Variants in MAX observed in about 807,000 individuals in gnomAD.
MAX encodes MYC associated transcriptional regulator X.
In MAX, 3 loss-of-function variants were observed where a neutral mutation model predicts 22.3. The observed-to-expected ratio is 0.13, with a 90% CI of 0.06 to 0.35. MAX has a LOEUF of 0.35. MAX is among the 10% of genes least tolerant of loss of function. MAX has a pLI of 1.00. For synonymous variants in MAX, 72 were observed against 77.7 expected, an observed-to-expected ratio of 0.93 and a Z score of 0.39; for missense variants, 119 against 209.4, an observed-to-expected ratio of 0.57 and a Z score of 2.66.
Position 65,060,522 on chromosome 14 carries a change from C to T in MAX, c.171+33186G>A, listed in dbSNP as rs61987404. Among the ~76,000 whole-genome samples, 152 of 127,302 alleles carry T rather than the reference C, an allele frequency of 1.2e-3. 20 individuals carry two copies. Among genetic ancestry groups the T allele is most frequent in the Non-Finnish European group, 1.7e-3 (110 of 65,950 alleles). The allele number at this position is 127,302 out of a possible 152,430, so 83.5% of individuals were successfully genotyped here. A position where few individuals can be genotyped will look rare whatever the true frequency, so the allele number is the denominator to read the frequency against. ...CCATCCCGGCTAAAACGGTGAAACC[C>T]CGTCTCTACTAAAAATACAAAAAAT... On this transcript the variant is annotated intron_variant, in intron 3 of 3. Coordinates refer to the MAX transcript ENST00000341653.
At position 65,062,708 on chromosome 14, in the gene MAX, A is replaced by T. The variant is rs953144441; in HGVS notation, c.171+31000T>A. On this transcript the variant is annotated intron_variant, in intron 3 of 3. Transcript: ENST00000341653. This position sits in a 1 kb window ranked among gnomAD's most constrained non-coding sequence, Gnocchi z 4.3. Reference sequence around the variant, plus strand: ...AAAATGCCCAATGGTAGGAGCTACTAAAGGTTGCTCAGGGATCGTCAGTCT... The same window carrying T: ...AAAATGCCCAATGGTAGGAGCTACTTAAGGTTGCTCAGGGATCGTCAGTCT... 6.6e-6 allele frequency: 1 copy of T among 152,644 alleles called. No individual in the cohort carries two copies. The highest frequency in any genetic ancestry group is 1.5e-5 in the Non-Finnish European group (1 of 68,052). 9.5% of individuals were successfully genotyped at this position (152,644 alleles called of 1,614,324 possible). A position where few individuals can be genotyped will look rare whatever the true frequency, so the allele number is the denominator to read the frequency against.
intron 3 of MAX, among the ~76,000 whole-genome samples, chr14:65,050,569 C>G (rs1464621992): frequency 6.6e-6 from 1 of 152,060 alleles, no homozygotes; most frequent in Admixed American, 6.6e-5. Context: ...CCAGCCTGGG[C>G]GACAGAGCAA....
intron 3 of MAX, among the ~76,000 whole-genome samples, chr14:65,064,371 A>C (rs1234550648): frequency 6.6e-6 from 1 of 152,204 alleles, no homozygotes; most frequent in African/African-American, 2.4e-5. Context: ...TTGAAGCAAA[A>C]GAGGCAATCT....
At chr14:65,024,318 G>A (rs1328348442) in intron 3 of MAX, among the ~76,000 whole-genome samples, 2 of 144,734 alleles carry the variant, frequency 1.4e-5, no homozygotes, top group Admixed American at 1.4e-4. Context: ...GGTGTGGCTT[G>A]GGTGTTGGGA....
intron 3 of MAX, among the ~76,000 whole-genome samples, chr14:65,050,954 A>AT (rs1334107363): frequency 6.6e-6 from 1 of 152,248 alleles, no homozygotes; most frequent in Non-Finnish European, 1.5e-5. Flanking sequence ...AAGTAAAAGA[A>AT]GATAGAGTGA....
chr14:65,060,228 C>G (rs1399140702), intron 3 of MAX, among the ~76,000 whole-genome samples: 1 of 152,048 alleles, frequency 6.6e-6, no homozygotes, highest in African/African-American at 2.4e-5. Context: ...AATCATATCA[C>G]TATTAATATT....
chr14:65,096,084 G>C (rs1235969248), intron 2 of MAX, among the ~76,000 whole-genome samples: 1 of 152,188 alleles, frequency 6.6e-6, no homozygotes, highest in Non-Finnish European at 1.5e-5. Flanking sequence ...CTCATCTGGG[G>C]AGCCAGCCAA....
chr14:65,013,178 T>C (rs1044304431), intron 3 of MAX, among the ~76,000 whole-genome samples: 2 of 152,200 alleles, frequency 1.3e-5, no homozygotes, highest in Non-Finnish European at 2.9e-5. Context: ...CTCAAATGCC[T>C]GTAGGGCCCA....
chr14:65,024,717 A>G (rs917181364), intron 3 of MAX, among the ~76,000 whole-genome samples: 5 of 152,108 alleles, frequency 3.3e-5, no homozygotes, highest in African/African-American at 1.2e-4. Context: ...TTTTGCTTGT[A>G]ATTTTTTATT....
Position 65,093,788 on chromosome 14 carries a change from G to A in MAX, c.91C>T (p.Leu31=), listed in dbSNP as rs1595166940. The A allele has an allele frequency of 6.2e-7, 1 of 1,608,150 alleles. No homozygotes were observed. ...AADKRAHHNA[L]ERKRRDHIKD... is the part of the protein sequence containing the mutation. ...ATGTGGTCCCTACGTTTTCGTTCCA[G>A]TGCATTATGATGAGCCCGTTTGTCA... The change falls in exon 3 of 5, where the codon CTG becomes TTG. Residue 31 remains leucine, a synonymous_variant. Coordinates refer to ENST00000358664, the MANE Select transcript of MAX (RefSeq NM_002382.5). This position sits in a 1 kb window ranked among gnomAD's most constrained non-coding sequence, Gnocchi z 4.4.
At position 65,032,539 on chromosome 14, in the gene MAX, C is replaced by T. The variant is rs2062106266; in HGVS notation, c.172-26255G>A. ...CTTACTAGGCAAGGCGAGCAGTCCG[C>T]CCGCGGAGTTCACTGAGCCTCATTA... On this transcript the variant is annotated intron_variant, in intron 3 of 3. Transcript: ENST00000341653. This position sits in a 1 kb window ranked among gnomAD's most constrained non-coding sequence, Gnocchi z 5.0. The T allele has an allele frequency of 1.9e-6, 3 of 1,563,428 alleles. No individual in the cohort carries two copies. Among genetic ancestry groups the T allele is most frequent in the Non-Finnish European group, 1.7e-6 (2 of 1,152,314 alleles).
At position 65,102,390 on chromosome 14, in the gene MAX, G is replaced by A; in HGVS notation, c.-51C>T. The stretch of plus-strand genomic sequence containing the variant: ...TGCAGCGGCGGCGGGGAGGGGAAGG[G>A]GTGAAGGGGAGGGGGAAGTCACCGA... On this transcript the variant is annotated 5_prime_UTR_variant, in exon 1 of 5. Coordinates refer to ENST00000358664, the MANE Select transcript of MAX (RefSeq NM_002382.5). 1 of 1,601,782 alleles carries A rather than the reference G, an allele frequency of 6.2e-7. No homozygotes were observed. The highest frequency in any genetic ancestry group is 1.3e-5 in the African/African-American group (1 of 74,646).
rs1466688949 is a variant in MAX, at chr14:65,062,417, C to T, written c.171+31291G>A. 1 of 152,688 alleles carries T rather than the reference C, an allele frequency of 6.5e-6. No homozygotes were observed. Among genetic ancestry groups the T allele is most frequent in the Non-Finnish European group, 1.5e-5 (1 of 68,106 alleles). The allele number at this position is 152,688 out of a possible 1,614,324, so 9.5% of individuals were successfully genotyped here. A position where few individuals can be genotyped will look rare whatever the true frequency, so the allele number is the denominator to read the frequency against. ...CCAGCGTGCTGGGTCCTGGCAGTGC[C>T]TCTGCTGTGCTGCACATTGAGCCCT... is the stretch of plus-strand genomic sequence containing the variant. On this transcript the variant is annotated intron_variant, in intron 3 of 3. Transcript: ENST00000341653. This position sits in a 1 kb window ranked among gnomAD's most constrained non-coding sequence, Gnocchi z 4.3.
intron 3 of MAX, among the ~76,000 whole-genome samples, chr14:65,051,352 G>A (rs1486105218): frequency 2.6e-5 from 4 of 152,240 alleles, no homozygotes; most frequent in Non-Finnish European, 4.4e-5. Flanking sequence ...GCCCATGCCT[G>A]TAATCCCAGT....
intron 3 of MAX, among the ~76,000 whole-genome samples, chr14:65,067,054 CA>C (rs2062938819): frequency 2.7e-5 from 4 of 150,562 alleles, no homozygotes; most frequent in Middle Eastern, 3.2e-3. Context: ...GATGCGGTGG[CA>C]CACACCTGTG....
At chr14:65,080,716 A>AT (rs1285491281) in intron 3 of MAX, among the ~76,000 whole-genome samples, 1 of 152,176 alleles carries the variant, frequency 6.6e-6, no homozygotes, top group East Asian at 1.9e-4. Context: ...TGTAAAAGCT[A>AT]TTTTTTCAAC....
rs75585714 is a variant in MAX, at chr14:65,024,516, T to G, written c.172-18232A>C. On this transcript the variant is annotated intron_variant, in intron 3 of 3. Transcript: ENST00000341653. ...TTCTACAGATTCTGATGCACACATT[T>G]TGGGTTTGAAGATCCATGATATAGA... Among the ~76,000 whole-genome samples, 786 of 152,352 alleles carry G rather than the reference T, an allele frequency of 5.2e-3. 3 individuals are homozygous for G. The highest frequency in any genetic ancestry group is 8.7e-3 in the Non-Finnish European group (589 of 68,030).
Position 65,069,344 on chromosome 14 carries a change from C to T in MAX, c.171+24364G>A, listed in dbSNP as rs12433870. Among the ~76,000 whole-genome samples the T allele has an allele frequency of 0.071, 10,801 of 152,240 alleles. 540 individuals are homozygous for T. Among genetic ancestry groups the T allele is most frequent in the East Asian group, 0.26 (1,332 of 5,146 alleles). On this transcript the variant is annotated intron_variant, in intron 3 of 3. Coordinates refer to the MAX transcript ENST00000341653. This position sits in a 1 kb window ranked among gnomAD's most constrained non-coding sequence, Gnocchi z 4.6. ...GAGAGCCCATCAAGAGCTTGAGAAG[C>T]GATGACCTGGTGGCCCTGCCCCTCC...
chr14:65,070,684 G>A (rs1228503650), downstream of MAX, among the ~76,000 whole-genome samples: 3 of 152,262 alleles, frequency 2.0e-5, no homozygotes, highest in African/African-American at 7.2e-5. The surrounding 1 kb of genome is among the most constrained non-coding windows in gnomAD (Gnocchi z 4.4). Flanking sequence ...CCTCGGCCCA[G>A]TCATGAGGCT....
Sources: gnomAD v4.1 joint callset for allele counts (sites outside exome capture counted in the v4.1 genomes callset) on GRCh38, gnomAD v4.1.1 for gene constraint, Gnocchi (gnomAD v3.1) non-coding constraint, MANE v1.5 for transcripts, NCBI Gene and HGNC (gene_info 2026-07-23, HGNC 2026-07-21) for gene names.